Variants in RGS3 observed in about 807,000 individuals in gnomAD.
RGS3 encodes regulator of G-protein signalling 3.
A neutral mutation model predicts 132.6 loss-of-function variants in RGS3; 80 were observed. That is an observed-to-expected ratio of 0.60 (90% CI 0.50 to 0.73). The LOEUF is 0.73. Among genes scored for constraint, RGS3 ranks in the 30% least tolerant of loss-of-function variants. The pLI is 0.00. For synonymous variants in RGS3, 598 were observed against 620.6 expected (o/e 0.96, Z 0.54); for missense variants, 1,382 against 1,530.8 (o/e 0.90, Z 1.62).
At chr9:113,524,920 A>G (rs1214433685) in intron 17 of RGS3, among the ~76,000 whole-genome samples, 6 of 152,174 alleles carry the variant, frequency 3.9e-5, no homozygotes, top group Non-Finnish European at 7.3e-5. Context: ...GTGATGGTCA[A>G]GGTGGGTGGT....
At chr9:113,530,165 GAA>G (rs1832402251) in intron 18 of RGS3, among the ~76,000 whole-genome samples, 1 of 152,218 alleles carries the variant, frequency 6.6e-6, no homozygotes. Flanking sequence ...TGGCCAAGAG[GAA>G]CACACCCCTT....
chr9:113,548,221 GA>G (rs1335616238), intron 19 of RGS3, among the ~76,000 whole-genome samples: 1 of 152,218 alleles, frequency 6.6e-6, no homozygotes, highest in Non-Finnish European at 1.5e-5. Context: ...GGGGACTTCT[GA>G]AGATTCTGCT....
intron 3 of RGS3, among the ~76,000 whole-genome samples, chr9:113,475,442 A>C (rs1378798580): frequency 6.6e-6 from 1 of 152,182 alleles, no homozygotes; most frequent in African/African-American, 2.4e-5. Flanking sequence ...GTCTGGCTCT[A>C]TCATCCAGGC....
intron 16 of RGS3, chr9:113,522,684 G>C: frequency 2.0e-6 from 1 of 511,700 alleles, no homozygotes. Context: ...TTCCCCTTCT[G>C]TTTGCTTTTT....
At chr9:113,567,966 T>C (rs1055133163) in intron 19 of RGS3, among the ~76,000 whole-genome samples, 2 of 152,354 alleles carry the variant, frequency 1.3e-5, no homozygotes, top group Non-Finnish European at 2.9e-5. Context: ...TGCTTCCCAT[T>C]GGCCTCTTAA....
upstream of RGS3, among the ~76,000 whole-genome samples, chr9:113,456,595 C>G (rs1423268005): frequency 6.6e-6 from 1 of 151,642 alleles, no homozygotes; most frequent in Non-Finnish European, 1.5e-5. Flanking sequence ...CTTCTAAGAG[C>G]AATTTTTGCT....
In RGS3 at chr9:113,507,442, T is replaced by C; in HGVS notation, c.1241T>C (p.Val414Ala). The C allele has an allele frequency of 6.2e-7, 1 of 1,613,864 alleles. No homozygotes were observed. The highest frequency in any genetic ancestry group is 2.2e-5 in the East Asian group (1 of 44,872). Residue 414 changes from valine (V) to alanine (A), a missense_variant, in exon 13 of 25, where the codon GTC (valine) becomes GCC (alanine). Physicochemically the swap from Val to Ala is moderately conservative, Grantham distance 64. Coordinates refer to ENST00000350696, the Ensembl canonical transcript of RGS3. This position sits in a 1 kb window ranked among gnomAD's most constrained non-coding sequence, Gnocchi z 5.0. ...CGGGAGAAGAACTGCACCCATGGGG[T>C]CCAGGCACGGCCTGAGCAGCGCCAC... is the stretch of plus-strand genomic sequence containing the variant.
At chr9:113,479,443 A>G (rs751459810) in intron 3 of RGS3, 48 bp from the exon 2 acceptor site, 1 of 1,588,722 alleles carries the variant, frequency 6.3e-7, no homozygotes, top group Non-Finnish European at 8.6e-7. Flanking sequence ...TTTCCACCAC[A>G]CCCACCAGGG....
chr9:113,462,136 G>T, exon 3 of RGS3: 3 of 1,614,196 alleles, frequency 1.9e-6, no homozygotes, highest in Non-Finnish European at 2.5e-6. Context: ...CTGCCCAGAA[G>T]AGATGAGTGG....
At chr9:113,531,738 C>T (rs1832475842) in intron 18 of RGS3, among the ~76,000 whole-genome samples, 1 of 152,206 alleles carries the variant, frequency 6.6e-6, no homozygotes, top group Non-Finnish European at 1.5e-5. Context: ...GTGAATCTCT[C>T]CTCTCCCGAG....
chr9:113,460,246 C>T (rs10981790), upstream of RGS3: 180,683 of 1,160,392 alleles, frequency 0.16, 15,559 homozygotes, highest in East Asian at 0.31. Context: ...CCTGGCCAGG[C>T]GCAGTGGCTC....
intron 14 of RGS3, 98 bp from the exon 13 acceptor site, chr9:113,514,360 T>G: frequency 9.3e-7 from 1 of 1,074,520 alleles, no homozygotes; most frequent in Non-Finnish European, 1.4e-6. Context: ...CAGAAAGTGG[T>G]TGTTGACGGA....
chr9:113,490,815 C>CCT (rs1344366805), intron 7 of RGS3, among the ~76,000 whole-genome samples: 1 of 129,460 alleles, frequency 7.7e-6, no homozygotes. Flanking sequence ...TTATATATAA[C>CCT]AATTATAATT....
chr9:113,572,307 A>G (rs1240781391), intron 19 of RGS3, among the ~76,000 whole-genome samples: 1 of 152,066 alleles, frequency 6.6e-6, no homozygotes, highest in Non-Finnish European at 1.5e-5. Flanking sequence ...AGAGGGAGGC[A>G]GGAGGGTGGG....
chr9:113,495,924 C>A, intron 8 of RGS3, 78 bp downstream of exon 6: 1 of 1,280,354 alleles, frequency 7.8e-7, no homozygotes, highest in African/African-American at 1.5e-5. Context: ...TCTGTCAGCT[C>A]TTGGGCAGGG....
At chr9:113,521,310 A>G (rs560295381) in intron 16 of RGS3, among the ~76,000 whole-genome samples, 2 of 152,330 alleles carry the variant, frequency 1.3e-5, no homozygotes, top group South Asian at 4.1e-4. Flanking sequence ...GCTACACTCA[A>G]GAAGCCAAGC....
rs1323199087 is a variant in RGS3, at chr9:113,583,781, C to A, written c.2369C>A (p.Pro790His). Residue 790 changes from proline (P) to histidine (H), a missense_variant, in exon 20 of 25, where the codon CCT becomes CAT. Pro to His is a moderately conservative substitution (Grantham distance 77, BLOSUM62 -2). Coordinates refer to ENST00000350696, the Ensembl canonical transcript of RGS3. ...CTACCTGCTGGTCAAGAACCCCTGC[C>A]TCACCAGGACCCTCTACTCACCAAA... The A allele has an allele frequency of 4.3e-6, 7 of 1,614,086 alleles. No homozygotes were observed. The East Asian group carries it at 1.3e-4, about 31-fold the overall frequency.
chr9:113,507,168 T>G lies in RGS3; in HGVS notation c.1086-119T>G, dbSNP rs1831165058. 12 of 782,430 alleles carry G rather than the reference T, an allele frequency of 1.5e-5. No homozygotes were observed. In the South Asian group the frequency reaches 2.2e-4, roughly 15 times the overall value. 48.5% of individuals were successfully genotyped at this position (782,430 alleles called of 1,614,324 possible). On this transcript the variant is annotated intron_variant, in intron 12 of 24. Coordinates refer to ENST00000350696, the Ensembl canonical transcript of RGS3. The surrounding 1 kb of genome is among the most constrained non-coding windows in gnomAD (Gnocchi z 5.0). ...CCCTTCCTGCCCTGACACTGGGGGC[T>G]TCCCCTCTGGTGTCTGCCTCCTCTT...
At chr9:113,568,359 G>A (rs1588264431) in intron 19 of RGS3, among the ~76,000 whole-genome samples, 1 of 152,244 alleles carries the variant, frequency 6.6e-6, no homozygotes, top group South Asian at 2.1e-4. Context: ...AAGCCCCTTG[G>A]TCGGTGGGCT....
Sources: allele counts gnomAD v4.1 joint callset (sites outside exome capture counted in the v4.1 genomes callset), GRCh38; gene constraint gnomAD v4.1.1; non-coding constraint Gnocchi (gnomAD v3.1); transcripts MANE v1.5; gene names NCBI Gene and HGNC (gene_info 2026-07-23, HGNC 2026-07-21).